The following AATF variants were observed in gnomAD, a reference collection of about 807,000 sequenced individuals.
AATF encodes the protein apoptosis antagonizing transcription factor, also known as protein AATF.
Under a neutral mutation model 63.7 loss-of-function variants are expected in AATF, and 48 were observed. The observed-to-expected ratio is 0.75, with a 90% CI of 0.60 to 0.96. The LOEUF (loss-of-function observed/expected upper bound fraction) is 0.96, where lower values mean the gene tolerates loss of function less well. Ranked by LOEUF, AATF falls within the 40% of genes least tolerant of loss-of-function variation. The probability of loss-of-function intolerance (pLI) is 0.00; values close to 1 mark genes in which losing one functional copy is unlikely to be tolerated. For synonymous variants in AATF, 258 were observed against 247.7 expected (o/e 1.04, Z -0.39); for missense variants, 639 against 685.7 (o/e 0.93, Z 0.76).
intron 4 of AATF, among the ~76,000 whole-genome samples, chr17:36,984,736 A>G (rs1057257102): frequency 2.6e-5 from 4 of 152,032 alleles, no homozygotes; most frequent in African/African-American, 7.2e-5. Context: ...CCTGGGCTCC[A>G]GCAATCCTCC....
chr17:36,955,374 C>T (rs1035906580), intron 4 of AATF, among the ~76,000 whole-genome samples: 5 of 152,228 alleles, frequency 3.3e-5, no homozygotes, highest in Non-Finnish European at 7.3e-5. Context: ...GCTTCTTCCC[C>T]TGTGGGAAGT....
rs937793274 is a variant in AATF at position 36,950,493 on chromosome 17, G to C, written c.283+88G>C. ...CGGTCATCCCCCATGATCTTTGCAA[G>C]AGTAGTCTGCGGATCTTTTTTTTGA... On this transcript the variant is annotated intron_variant, in intron 2 of 11. Transcript: ENST00000619387. The C allele has an allele frequency of 2.3e-6, 3 of 1,319,962 alleles. No individual in the cohort carries two copies. The African/African-American group carries it at 4.4e-5, about 20-fold the overall frequency. 81.8% of individuals were successfully genotyped at this position (1,319,962 alleles called of 1,614,324 possible). A position where few individuals can be genotyped will look rare whatever the true frequency, so the allele number is the denominator to read the frequency against.
intron 8 of AATF, among the ~76,000 whole-genome samples, chr17:36,991,268 C>A (rs1056862081): frequency 2.6e-5 from 4 of 152,076 alleles, no homozygotes; most frequent in Non-Finnish European, 5.9e-5. Flanking sequence ...CGCTACTGAT[C>A]CTATTATCTG....
At chr17:37,034,986 G>T (rs988506998) in intron 11 of AATF, 1 of 151,430 alleles carries the variant, frequency 6.6e-6, no homozygotes, top group East Asian at 2.0e-4. Flanking sequence ...TTAGCCGGGC[G>T]TGGTGGTGGG....
chr17:37,040,069 G>A (rs1420509407), intron 11 of AATF, among the ~76,000 whole-genome samples: 1 of 152,048 alleles, frequency 6.6e-6, no homozygotes. Context: ...GTGTGTAAAT[G>A]TTTCTCTTAA....
At chr17:36,958,253 C>T (rs1430711494) in intron 4 of AATF, among the ~76,000 whole-genome samples, 1 of 152,012 alleles carries the variant, frequency 6.6e-6, no homozygotes, top group African/African-American at 2.4e-5. Flanking sequence ...ACTTCTGCCT[C>T]CCAGGTTCAA....
chr17:36,975,251 G>T (rs187291299), intron 4 of AATF, among the ~76,000 whole-genome samples: 1 of 151,278 alleles, frequency 6.6e-6, no homozygotes, highest in South Asian at 2.1e-4. Flanking sequence ...CTTTTTTTTC[G>T]TTAAAATTAA....
chr17:37,053,141 A>G (rs1004393433), intron 11 of AATF, among the ~76,000 whole-genome samples: 5 of 151,976 alleles, frequency 3.3e-5, no homozygotes, highest in African/African-American at 1.2e-4. Context: ...TTGATGCTGA[A>G]CCCTCCTTCA....
chr17:37,048,173 G>A (rs147442896), intron 11 of AATF, among the ~76,000 whole-genome samples: 8 of 152,010 alleles, frequency 5.3e-5, no homozygotes, highest in Middle Eastern at 3.4e-3. Flanking sequence ...GGGTTGTTGG[G>A]GGATGTTAAG....
At chr17:37,001,452 G>GAAGGAAGA (rs2071296828) in intron 8 of AATF, among the ~76,000 whole-genome samples, 1 of 96,252 alleles carries the variant, frequency 1.0e-5, no homozygotes, top group Admixed American at 1.0e-4. Context: ...AGGAAGGAAG[G>GAAGGAAGA]AAGAAAAAAA....
chr17:37,004,596 T>C (rs570321286), intron 8 of AATF, among the ~76,000 whole-genome samples: 2 of 152,266 alleles, frequency 1.3e-5, no homozygotes, highest in South Asian at 4.1e-4. Flanking sequence ...GCAGGACTTA[T>C]GAGTACAGTT....
chr17:37,049,038 C>T (rs888754694), intron 11 of AATF, among the ~76,000 whole-genome samples: 6 of 152,098 alleles, frequency 3.9e-5, no homozygotes, highest in East Asian at 1.9e-4. Context: ...GCAATGCGGA[C>T]TTTGCTTAGT....
At chr17:36,985,313 G>A (rs1459169262) in intron 4 of AATF, among the ~76,000 whole-genome samples, 1 of 151,978 alleles carries the variant, frequency 6.6e-6, no homozygotes, top group Non-Finnish European at 1.5e-5. Flanking sequence ...CTATTGCTCA[G>A]GCTGGAGTGC....
intron 4 of AATF, among the ~76,000 whole-genome samples, chr17:36,976,354 A>G (rs1452945473): frequency 6.6e-6 from 1 of 152,210 alleles, no homozygotes; most frequent in Non-Finnish European, 1.5e-5. Context: ...ATTAGTACAT[A>G]TAAAGTGCTT....
At chr17:37,055,868 A>C (rs1045720807) in intron 11 of AATF, 2 of 152,260 alleles carry the variant, frequency 1.3e-5, no homozygotes, top group Admixed American at 1.3e-4. Flanking sequence ...TGTCTCAACG[A>C]TAGGAAAGAT....
At chr17:37,033,021 T>G (rs1454617712) in intron 11 of AATF, among the ~76,000 whole-genome samples, 5 of 152,236 alleles carry the variant, frequency 3.3e-5, no homozygotes, top group Non-Finnish European at 5.9e-5. Flanking sequence ...AGTATTTTGT[T>G]TGCTACCAAA....
chr17:37,018,961 C>G, intron 8 of AATF, 44 bp from the exon 9 acceptor site: 1 of 1,534,046 alleles, frequency 6.5e-7, no homozygotes, highest in East Asian at 2.2e-5. Flanking sequence ...GTCAGTTGTA[C>G]TGGAAGATGA....
At chr17:37,030,053 A>T (rs2071541250) in intron 10 of AATF, among the ~76,000 whole-genome samples, 1 of 150,942 alleles carries the variant, frequency 6.6e-6, no homozygotes, top group Admixed American at 6.6e-5. Context: ...TCTGTATTTT[A>T]TACCTTTTGT....
At chr17:37,014,850 T>C (rs531673402) in intron 8 of AATF, among the ~76,000 whole-genome samples, 1 of 152,330 alleles carries the variant, frequency 6.6e-6, no homozygotes, top group East Asian at 1.9e-4. Flanking sequence ...CTTTTTGTTT[T>C]ATATCAGAGA....
Sources: allele counts gnomAD v4.1 joint callset (sites outside exome capture counted in the v4.1 genomes callset), GRCh38; gene constraint gnomAD v4.1.1; transcripts MANE v1.5; gene names NCBI Gene and HGNC (gene_info 2026-07-23, HGNC 2026-07-21).